OTOF: variants seen among roughly 807,000 people sequenced by gnomAD.
The protein encoded by OTOF is otoferlin, also known as fer-1-like family member 2.
A neutral mutation model predicts 236.8 loss-of-function variants in OTOF; 218 were observed. The observed-to-expected ratio is 0.92, with a 90% CI of 0.82 to 1.03. The LOEUF is 1.03. Ranked by LOEUF, OTOF falls within the 50% of genes least tolerant of loss-of-function variation. The pLI, the probability that OTOF is intolerant of heterozygous loss-of-function variation, is 0.00. For synonymous variants in OTOF, 1,041 were observed against 1,072.5 expected (o/e 0.97, Z 0.57); for missense variants, 2,590 against 2,694.4 (o/e 0.96, Z 0.86).
intron 9 of OTOF, among the ~76,000 whole-genome samples, chr2:26,493,346 AG>A (rs907600036): frequency 2.0e-5 from 3 of 152,234 alleles, no homozygotes; most frequent in African/African-American, 7.2e-5. Context: ...CCCAAGCTAC[AG>A]GGGGCACCTC....
chr2:26,472,245 T>C, intron 30 of OTOF: 1 of 492,148 alleles, frequency 2.0e-6, no homozygotes, highest in South Asian at 2.0e-5. Flanking sequence ...CAAATGCACA[T>C]ACATCACATG....
chr2:26,517,196 T>C (rs1230398175), intron 4 of OTOF, among the ~76,000 whole-genome samples: 1 of 152,158 alleles, frequency 6.6e-6, no homozygotes, highest in African/African-American at 2.4e-5. Flanking sequence ...GGCTTAGCAG[T>C]GGAGAGTCAT....
In OTOF at chr2:26,468,453, A is replaced by T; in HGVS notation, c.4045T>A (p.Ser1349Thr). The change falls in exon 33 of 47, where the codon TCT (serine) becomes ACT (threonine). Residue 1349 changes from serine (S) to threonine (T), a missense_variant. Around this residue, in one of 2 missense-constraint regions of OTOF, gnomAD observed 1,211 missense variants for 1,352.8 expected, o/e 0.90. Coordinates refer to ENST00000272371, the MANE Select transcript of OTOF (RefSeq NM_194248.3). ...MKEQLRQQEP[S>T]GIDLEEKEEV... is the part of the protein sequence containing the mutation. The stretch of plus-strand genomic sequence containing the variant: ...TCCTTCTCCTCCAAGTCAATTCCAG[A>T]GGGCTCTTGTTGTCGAAGTTGCTGC... 4 of 1,614,094 alleles carry T rather than the reference A, an allele frequency of 2.5e-6. No homozygotes were observed. The highest frequency in any genetic ancestry group is 3.4e-6 in the Non-Finnish European group (4 of 1,179,968).
At chr2:26,472,083 T>C (rs539962397) in intron 30 of OTOF, among the ~76,000 whole-genome samples, 1 of 149,772 alleles carries the variant, frequency 6.7e-6, no homozygotes, top group South Asian at 2.1e-4. Flanking sequence ...CACGTGCATA[T>C]GAACATACAC....
Position 26,483,626 on chromosome 2 carries a change from C to T in OTOF, c.1228G>A (p.Val410Met). 1 of 1,612,524 alleles carries T rather than the reference C, an allele frequency of 6.2e-7. No homozygotes were observed. The highest frequency in any genetic ancestry group is 8.5e-7 in the Non-Finnish European group (1 of 1,179,854). ...CGGGCCCACTGGCGTTCGGGGGGCACCCCCTCGGGGAGCAGCAAGTTCCTG... is the reference window on the plus strand; with the variant it reads ...CGGGCCCACTGGCGTTCGGGGGGCATCCCCTCGGGGAGCAGCAAGTTCCTG... ...IEGNLLLPEG[V>M]PPERQWARFY... The change falls in exon 13 of 47, where the codon GTG becomes ATG. Residue 410 changes from valine to methionine, a missense_variant. This residue lies in a region of OTOF where 1,379 missense variants were observed against 1,341.6 expected (regional missense o/e 1.03). Transcript: ENST00000272371.
chr2:26,498,173 G>A (rs571854822), intron 8 of OTOF, among the ~76,000 whole-genome samples: 5 of 152,192 alleles, frequency 3.3e-5, no homozygotes, highest in African/African-American at 4.8e-5. Context: ...GGCCTCATAC[G>A]TTTCTCCCTT....
At chr2:26,511,547 A>C (rs1470257278) in intron 5 of OTOF, among the ~76,000 whole-genome samples, 1 of 152,224 alleles carries the variant, frequency 6.6e-6, no homozygotes. Context: ...ACTTGACTGC[A>C]TATCCTGATG....
At chr2:26,484,031 T>C (rs1237294883) in intron 12 of OTOF, among the ~76,000 whole-genome samples, 1 of 152,172 alleles carries the variant, frequency 6.6e-6, no homozygotes, top group Non-Finnish European at 1.5e-5. Context: ...CAGTAGCCAC[T>C]CTCTCTCCCC....
intron 1 of OTOF, among the ~76,000 whole-genome samples, chr2:26,543,183 T>C (rs1572493945): frequency 6.6e-6 from 1 of 152,146 alleles, no homozygotes; most frequent in Non-Finnish European, 1.5e-5. Context: ...CCACTTCAGA[T>C]CGATCTGTTC....
chr2:26,483,359 G>T, intron 13 of OTOF, 103 bp downstream of exon 13: 2 of 1,083,866 alleles, frequency 1.8e-6, no homozygotes, highest in Non-Finnish European at 2.8e-6. Context: ...ATGATTTCCA[G>T]CCTTGTCTTA....
At chr2:26,519,984 ACTAGAGAT>A (rs1417408972) in intron 3 of OTOF, among the ~76,000 whole-genome samples, 2 of 152,204 alleles carry the variant, frequency 1.3e-5, no homozygotes, top group Non-Finnish European at 2.9e-5. Context: ...TTTCTAGCAC[ACTAGAGAT>A]CTCAATATCT....
chr2:26,558,383 G>T, intron 1 of OTOF, 110 bp downstream of exon 1: 2 of 964,448 alleles, frequency 2.1e-6, no homozygotes, highest in South Asian at 2.6e-5. Context: ...GCCCCTGCTA[G>T]AACTTTTCCC....
Position 26,477,479 on chromosome 2 carries a change from G to A in OTOF, c.2343C>T (p.Asp781=). The A allele has an allele frequency of 1.2e-6, 2 of 1,603,862 alleles. No homozygotes were observed. The highest frequency in any genetic ancestry group is 1.1e-5 in the South Asian group (1 of 89,128). Residue 781 remains aspartate (D), a synonymous_variant, in exon 20 of 47, where the codon GAC becomes GAT. Coordinates refer to ENST00000272371, the MANE Select transcript of OTOF (RefSeq NM_194248.3). This position sits in a 1 kb window ranked among gnomAD's most constrained non-coding sequence, Gnocchi z 4.7. ...GCCTGGTGCGGGATGAGTGGCCCTG[G>A]TCCTTGTCAGCGAGGGAGAGGAAGC... ...CCRFLSLADK[D]QGHSSRTRLD...
At position 26,470,488 on chromosome 2, in the gene OTOF, T is replaced by A. The variant is rs982470258; in HGVS notation, c.4023+105A>T. The A allele has an allele frequency of 8.0e-6, 9 of 1,120,192 alleles. No homozygotes were observed. The highest frequency in any genetic ancestry group is 1.2e-5 in the Non-Finnish European group (9 of 734,492). 69.4% of individuals were successfully genotyped at this position (1,120,192 alleles called of 1,614,324 possible). On this transcript the variant is annotated intron_variant, in intron 32 of 46. Coordinates refer to ENST00000272371, the MANE Select transcript of OTOF (RefSeq NM_194248.3). The surrounding 1 kb of genome is among the most constrained non-coding windows in gnomAD (Gnocchi z 4.3). ...GAGACAAAACCATCCCAAACTCACA[T>A]GAATGGAGTTGGGATCCAGCTCTTG... is the stretch of plus-strand genomic sequence containing the variant.
At chr2:26,537,505 C>T (rs185228627) in intron 2 of OTOF, among the ~76,000 whole-genome samples, 1 of 152,222 alleles carries the variant, frequency 6.6e-6, no homozygotes, top group African/African-American at 2.4e-5. Flanking sequence ...ACGGGCCTCA[C>T]CTGTGCAGAG....
At position 26,476,022 on chromosome 2, in the gene OTOF, C is replaced by G. The variant is rs1319175206; in HGVS notation, c.2883G>C (p.Gln961His). 1 of 1,612,692 alleles carries G rather than the reference C, an allele frequency of 6.2e-7. No homozygotes were observed. The highest frequency in any genetic ancestry group is 8.5e-7 in the Non-Finnish European group (1 of 1,179,920). The change falls in exon 24 of 47, where the codon CAG (glutamine) becomes CAC (histidine). Residue 961 changes from glutamine (Q) to histidine (H), a missense_variant. Physicochemically the swap from Gln to His is conservative, Grantham distance 24. Transcript: ENST00000272371. Reference sequence around the variant, plus strand: ...GGGCCTGGTACATGTGCGCTCGGAGCTGGAACGCCTGCTTCTCTGTGGGGA... The same window carrying G: ...GGGCCTGGTACATGTGCGCTCGGAGGTGGAACGCCTGCTTCTCTGTGGGGA... ...SLVYTKKQAFQLRAHMYQARS... is the reference protein window; with the variant it reads ...SLVYTKKQAFHLRAHMYQARS...
chr2:26,472,917 G>A (rs1242898007), intron 29 of OTOF, among the ~76,000 whole-genome samples: 2 of 152,100 alleles, frequency 1.3e-5, no homozygotes, highest in Admixed American at 6.5e-5. Context: ...CTGCCCTCAG[G>A]CCCCCCCAGG....
chr2:26,479,547 A>C lies in OTOF; in HGVS notation c.2019T>G (p.Asp673Glu), dbSNP rs770887856. Reference protein sequence around the residue: ...EEVDLIQNASDDEAGDAGDLA... With the variant: ...EEVDLIQNASEDEAGDAGDLA... ...GGTCCCCGGCATCACCGGCCTCGTC[A>C]TCACTTGCGTTCTGAATCAGGTCTA... is the stretch of plus-strand genomic sequence containing the variant. Residue 673 changes from aspartate (D) to glutamate (E), a missense_variant, in exon 17 of 47, where the codon GAT becomes GAG. This residue lies in a region of OTOF where 1,379 missense variants were observed against 1,341.6 expected (regional missense o/e 1.03). Transcript: ENST00000272371. 2 of 1,612,232 alleles carry C rather than the reference A, an allele frequency of 1.2e-6. No individual in the cohort carries two copies. Among genetic ancestry groups the C allele is most frequent in the South Asian group, 2.2e-5 (2 of 90,914 alleles).
chr2:26,557,359 A>C (rs536292554), intron 1 of OTOF, among the ~76,000 whole-genome samples: 426 of 152,258 alleles, frequency 2.8e-3, no homozygotes, highest in Non-Finnish European at 5.3e-3. Flanking sequence ...GGCCATGTCT[A>C]GTGAGAAGTA....
Sources: gnomAD v4.1 joint callset for allele counts (sites outside exome capture counted in the v4.1 genomes callset) on GRCh38, gnomAD v4.1.1 for gene constraint, gnomAD v4.1.1 regional missense constraint, Gnocchi (gnomAD v3.1) non-coding constraint, MANE v1.5 for transcripts, NCBI Gene and HGNC (gene_info 2026-07-23, HGNC 2026-07-21) for gene names.